Variants in LAMA5 observed in about 807,000 individuals in gnomAD.
LAMA5 encodes laminin subunit alpha 5.
LAMA5 carries 260 observed loss-of-function variants against 433.4 expected under a neutral mutation model. The observed-to-expected ratio is 0.60, with a 90% CI of 0.54 to 0.66. The LOEUF (loss-of-function observed/expected upper bound fraction) is 0.66, where lower values mean the gene tolerates loss of function less well. LAMA5 is among the 30% of genes least tolerant of loss of function. The probability of loss-of-function intolerance (pLI) is 0.00; values close to 1 mark genes in which losing one functional copy is unlikely to be tolerated. For missense variants in LAMA5, 5,378 were observed against 5,258.5 expected (o/e 1.02, Z -0.70); for synonymous variants, 2,620 against 2,226.6 (o/e 1.18, Z -4.97).
rs767814375 is a variant in LAMA5 at position 62,317,425 on chromosome 20, C to G, written c.7431G>C (p.Pro2477=). The stretch of plus-strand genomic sequence containing the variant: ...CCACTAGACGCAGCTTGCTGCCCGC[C>G]GGGGAGAAGGTCTGCATCCTCTGCA... ...PLLQRMQTFS[P]AGSKLRLVEA... is the part of the protein sequence containing the mutation. The change falls in exon 55 of 80, where the codon CCG becomes CCC. Residue 2477 remains proline, a synonymous_variant. Coordinates refer to ENST00000252999, the MANE Select transcript of LAMA5 (RefSeq NM_005560.6). The G allele has an allele frequency of 2.2e-4, 356 of 1,606,044 alleles. No homozygotes were observed. The highest frequency in any genetic ancestry group is 3.0e-4 in the Non-Finnish European group (351 of 1,176,714).
rs1986780368 is a variant in LAMA5 at position 62,314,926 on chromosome 20, A to G, written c.8069T>C (p.Leu2690Pro). The G allele has an allele frequency of 6.2e-7, 1 of 1,604,964 alleles. No homozygotes were observed. Among genetic ancestry groups the G allele is most frequent in the Non-Finnish European group, 8.5e-7 (1 of 1,178,284 alleles). ...GHSVSTLEKTLPQLLAKLSIL... is the reference protein window; with the variant it reads ...GHSVSTLEKTPPQLLAKLSIL... ...GCTCAGCTTGGCCAGCAGCTGGGGC[A>G]GCGTCTTCTCCAGGGTGGACACTGC... Residue 2690 changes from leucine (L) to proline (P), a missense_variant, in exon 60 of 80, where the codon CTG becomes CCG. Transcript: ENST00000252999.
At chr20:62,354,764 C>CCCCT (rs900309487) in intron 2 of LAMA5, among the ~76,000 whole-genome samples, 3 of 152,100 alleles carry the variant, frequency 2.0e-5, no homozygotes, top group African/African-American at 7.2e-5. Context: ...CCCTAGGCTC[C>CCCCT]CCCTACCTGG....
At chr20:62,334,770 C>CGAGGGT (rs997573857) in intron 20 of LAMA5, 149 bp from the exon 21 acceptor site, 9 of 632,660 alleles carry the variant, frequency 1.4e-5, no homozygotes, top group African/African-American at 8.4e-5. Context: ...AGGGCGAGGG[C>CGAGGGT]GAGGGTGAGG....
Position 62,316,945 on chromosome 20 carries a change from C to G in LAMA5, c.7590G>C (p.Gln2530His). Residue 2530 changes from glutamine to histidine, a missense_variant, in exon 56 of 80, where the codon CAG (glutamine) becomes CAC (histidine). Transcript: ENST00000252999. ...EASNAYSRIL[Q>H]AVQAAEDAAG... ...CAGCATCCTCGGCAGCCTGCACGGC[C>G]TGCAGGATGCGGCTGTAGGCGTTGG... 1 of 1,568,412 alleles carries G rather than the reference C, an allele frequency of 6.4e-7. No homozygotes were observed.
chr20:62,363,660 G>T (rs1986407372), intron 1 of LAMA5, among the ~76,000 whole-genome samples: 1 of 151,996 alleles, frequency 6.6e-6, no homozygotes, highest in African/African-American at 2.4e-5. Context: ...GTTGATTGAG[G>T]CCCCAGAGGC....
At position 62,312,223 on chromosome 20, in the gene LAMA5, C is replaced by A. The variant is rs138268904; in HGVS notation, c.9454G>T (p.Gly3152Cys). Residue 3152 changes from glycine (G) to cysteine (C), a missense_variant, in exon 69 of 80, where the codon GGC (glycine) becomes TGC (cysteine). Coordinates refer to ENST00000252999, the MANE Select transcript of LAMA5 (RefSeq NM_005560.6). Reference sequence around the variant, plus strand: ...GCACTGTCCTGGGCGCTGTGGAAGCCGAAGCCGGAGTAGACGTTGCCAGTG... The same window carrying A: ...GCACTGTCCTGGGCGCTGTGGAAGCAGAAGCCGGAGTAGACGTTGCCAGTG... ...PLTGNVYSGF[G>C]FHSAQDSALL... 1.9e-6 allele frequency: 3 copies of A among 1,610,490 alleles called. No homozygotes were observed. The highest frequency in any genetic ancestry group is 1.3e-5 in the African/African-American group (1 of 75,036).
chr20:62,354,262 C>T (rs1984813130), intron 2 of LAMA5, among the ~76,000 whole-genome samples: 1 of 152,046 alleles, frequency 6.6e-6, no homozygotes, highest in Admixed American at 6.5e-5. Context: ...CTCCCCAGGC[C>T]CAGGCCCTTC....
At chr20:62,321,002 G>A in intron 48 of LAMA5, 112 bp from the exon 49 acceptor site, 2 of 1,172,298 alleles carry the variant, frequency 1.7e-6, no homozygotes, top group Non-Finnish European at 2.4e-6. Flanking sequence ...GAGGTCATGA[G>A]GTCAGCTTAG....
At chr20:62,351,441 C>G (rs541100300) in intron 6 of LAMA5, among the ~76,000 whole-genome samples, 2 of 152,320 alleles carry the variant, frequency 1.3e-5, no homozygotes, top group African/African-American at 4.8e-5. Flanking sequence ...AGAGCCCCAC[C>G]TCTGCTGGCA....
At chr20:62,317,545 T>C (rs1372804962) in intron 54 of LAMA5, 46 bp from the exon 55 acceptor site, 1 of 1,525,208 alleles carries the variant, frequency 6.6e-7, no homozygotes. Flanking sequence ...CACAGCCACC[T>C]GATCCACGAC....
chr20:62,364,836 C>A (rs1434085704), intron 1 of LAMA5, among the ~76,000 whole-genome samples: 1 of 152,280 alleles, frequency 6.6e-6, no homozygotes, highest in Non-Finnish European at 1.5e-5. Flanking sequence ...AGCCCCTGGC[C>A]TGCAGCCTTG....
At chr20:62,360,957 G>A (rs575112227) in intron 2 of LAMA5, among the ~76,000 whole-genome samples, 7 of 152,174 alleles carry the variant, frequency 4.6e-5, no homozygotes, top group African/African-American at 1.2e-4. Context: ...CAGGCACATC[G>A]GGCACTGCGC....
Position 62,319,683 on chromosome 20 carries a change from C to CCGCT in LAMA5, c.6868_6871dup (p.Leu2292ArgfsTer20). The CCGCT allele has an allele frequency of 6.5e-7, 1 of 1,537,526 alleles. No homozygotes were observed. The highest frequency in any genetic ancestry group is 1.2e-5 in the South Asian group (1 of 83,866). On this transcript the variant is annotated frameshift_variant and splice_region_variant. Transcript: ENST00000252999. LOFTEE classifies it high-confidence loss of function. ...CTGAGCCTGGCTGGGCTGGCCCCTA[C>CCGCT]CGCTCAGGGTGCGGTCCACAGCCCG...
At chr20:62,349,865 G>A (rs539725560) in intron 6 of LAMA5, among the ~76,000 whole-genome samples, 1 of 118,704 alleles carries the variant, frequency 8.4e-6, no homozygotes, top group Non-Finnish European at 1.8e-5. Context: ...TGGTAGTGGG[G>A]GTGATGGTTT....
At chr20:62,332,139 G>A (rs1424879277) in intron 28 of LAMA5, among the ~76,000 whole-genome samples, 1 of 152,158 alleles carries the variant, frequency 6.6e-6, no homozygotes, top group African/African-American at 2.4e-5. Flanking sequence ...CCAGGGAGCT[G>A]TGACTGCAGG....
At chr20:62,337,179 G>A (rs929394089) in intron 16 of LAMA5, among the ~76,000 whole-genome samples, 2 of 92,240 alleles carry the variant, frequency 2.2e-5, no homozygotes, top group African/African-American at 4.3e-5. Flanking sequence ...CGCGATACGC[G>A]CACCCACTTA....
Position 62,359,598 on chromosome 20 carries a change from G to A in LAMA5, c.450+2802C>T, listed in dbSNP as rs1384613367. Reference sequence around the variant, plus strand: ...CAAGGAGATACGCAAGAACCCCCTAGAAGGACCCCCTGGGGAAGGTCACGT... The same window carrying A: ...CAAGGAGATACGCAAGAACCCCCTAAAAGGACCCCCTGGGGAAGGTCACGT... On this transcript the variant is annotated intron_variant, in intron 2 of 79. Transcript: ENST00000252999. The surrounding 1 kb of genome is among the most constrained non-coding windows in gnomAD (Gnocchi z 4.3). Among the ~76,000 whole-genome samples the A allele has an allele frequency of 6.6e-6, 1 of 152,060 alleles. No homozygotes were observed. Among genetic ancestry groups the A allele is most frequent in the Non-Finnish European group, 1.5e-5 (1 of 67,946 alleles).
At chr20:62,322,620 G>GGGGGGGCC in intron 46 of LAMA5, 38 bp downstream of exon 46, 8 of 1,398,992 alleles carry the variant, frequency 5.7e-6, no homozygotes, top group Non-Finnish European at 7.8e-6. Context: ...TAGTCCCTAG[G>GGGGGGGCC]CCCCACCCAC....
chr20:62,311,695 G>A lies in LAMA5; in HGVS notation c.9725C>T (p.Pro3242Leu), dbSNP rs745983918. Residue 3242 changes from proline to leucine, a missense_variant, in exon 71 of 80, where the codon CCG (proline) becomes CTG (leucine). Physicochemically the swap from Pro to Leu is moderately conservative, Grantham distance 98 (BLOSUM62 -3). Coordinates refer to ENST00000252999, the MANE Select transcript of LAMA5 (RefSeq NM_005560.6). ...AGGCAGGCCTCCCAGGAGGAGCCTCGGGGGCCCCTCAGGCTGCGGCTGGAG... is the reference window on the plus strand; with the variant it reads ...AGGCAGGCCTCCCAGGAGGAGCCTCAGGGGCCCCTCAGGCTGCGGCTGGAG... Reference protein sequence around the residue: ...PELQPQPEGPPRLLLGGLPES... With the variant: ...PELQPQPEGPLRLLLGGLPES... The A allele has an allele frequency of 1.8e-5, 28 of 1,578,930 alleles. No homozygotes were observed. The highest frequency in any genetic ancestry group is 1.0e-4 in the South Asian group (9 of 86,908).
Sources: gnomAD v4.1 joint callset for allele counts (sites outside exome capture counted in the v4.1 genomes callset) on GRCh38, gnomAD v4.1.1 for gene constraint, Gnocchi (gnomAD v3.1) non-coding constraint, MANE v1.5 for transcripts, NCBI Gene and HGNC (gene_info 2026-07-23, HGNC 2026-07-21) for gene names.